The following PCDH15 variants were observed in gnomAD, a reference collection of about 807,000 sequenced individuals.
PCDH15 encodes the protein protocadherin related 15, also known as protocadherin-15.
Under a neutral mutation model 178.5 loss-of-function variants are expected in PCDH15, and 129 were observed. That is an observed-to-expected ratio of 0.72 (90% CI 0.63 to 0.84). PCDH15 has a LOEUF of 0.84. PCDH15 is among the 40% of genes least tolerant of loss of function. The pLI is 0.00. For synonymous variants in PCDH15, 800 were observed against 732.0 expected (o/e 1.09, Z -1.50); for missense variants, 2,230 against 2,099.9 (o/e 1.06, Z -1.21).
intron 3 of PCDH15, among the ~76,000 whole-genome samples, chr10:54,499,001 G>A (rs2080386985): frequency 6.6e-6 from 1 of 152,022 alleles, no homozygotes; most frequent in Non-Finnish European, 1.5e-5. Flanking sequence ...ACTATCACTA[G>A]AACAGCAAGG....
intron 3 of PCDH15, among the ~76,000 whole-genome samples, chr10:54,838,030 A>G (rs563294069): frequency 6.6e-6 from 1 of 151,980 alleles, no homozygotes; most frequent in South Asian, 2.1e-4. Context: ...TAGAATACAT[A>G]CTTGTCCAAG....
At chr10:53,935,373 T>A (rs1425567452) in intron 25 of PCDH15, among the ~76,000 whole-genome samples, 1 of 152,160 alleles carries the variant, frequency 6.6e-6, no homozygotes, top group Non-Finnish European at 1.5e-5. Context: ...AATATCACTT[T>A]CAATTAGATG....
At chr10:54,801,669 G>T (rs1952655544), upstream of PCDH15, among the ~76,000 whole-genome samples, 1 of 151,682 alleles carries the variant, frequency 6.6e-6, no homozygotes, top group Admixed American at 6.6e-5. Context: ...CCTCTTATAT[G>T]AAGCCCTCCA....
At chr10:54,101,839 G>T (rs187421631) in intron 15 of PCDH15, among the ~76,000 whole-genome samples, 145 of 152,172 alleles carry the variant, frequency 9.5e-4, no homozygotes, top group African/African-American at 3.4e-3. Context: ...GCTGTGTGTG[G>T]TGTTGTGCAA....
intron 2 of PCDH15, among the ~76,000 whole-genome samples, chr10:54,589,873 G>A (rs1235566743): frequency 6.6e-6 from 1 of 152,072 alleles, no homozygotes; most frequent in African/African-American, 2.4e-5. Context: ...TGGGATTACA[G>A]GCATGAGCCA....
At chr10:54,727,655 T>C (rs1011822145) in intron 1 of PCDH15, among the ~76,000 whole-genome samples, 1 of 151,328 alleles carries the variant, frequency 6.6e-6, no homozygotes, top group African/African-American at 2.4e-5. Context: ...CAAAAATATG[T>C]TGGTTCTTTG....
At chr10:54,525,195 TG>T (rs1204092407) in intron 3 of PCDH15, among the ~76,000 whole-genome samples, 2 of 152,190 alleles carry the variant, frequency 1.3e-5, no homozygotes, top group Non-Finnish European at 2.9e-5. Flanking sequence ...TAGTAGTGAA[TG>T]TATTTAGATA....
intron 2 of PCDH15, among the ~76,000 whole-genome samples, chr10:55,565,572 G>C (rs1842285201): frequency 6.6e-6 from 1 of 151,516 alleles, no homozygotes; most frequent in Non-Finnish European, 1.5e-5. Context: ...TGTTTGAAAA[G>C]ATCAACAACG....
At chr10:55,337,931 C>T (rs1844440522) in intron 2 of PCDH15, among the ~76,000 whole-genome samples, 1 of 151,754 alleles carries the variant, frequency 6.6e-6, no homozygotes, top group Admixed American at 6.6e-5. Context: ...GCTTAATAAC[C>T]AGAATATATT....
chr10:53,931,937 T>C (rs2085097379), intron 25 of PCDH15, among the ~76,000 whole-genome samples: 1 of 152,206 alleles, frequency 6.6e-6, no homozygotes, highest in Non-Finnish European at 1.5e-5. Flanking sequence ...CTTCATTCAC[T>C]AGCAGTTGAT....
At chr10:55,409,472 T>C (rs1447820974) in intron 2 of PCDH15, among the ~76,000 whole-genome samples, 1 of 152,200 alleles carries the variant, frequency 6.6e-6, no homozygotes, top group Non-Finnish European at 1.5e-5. Context: ...TGATGTTTCT[T>C]TGTAACTTGA....
intron 1 of PCDH15, among the ~76,000 whole-genome samples, chr10:54,706,826 T>C (rs2095370206): frequency 6.6e-6 from 1 of 152,120 alleles, no homozygotes; most frequent in South Asian, 2.1e-4. Flanking sequence ...TTTCACCATG[T>C]GGGCCAAGCT....
At chr10:54,045,726 G>A (rs1911406) in intron 18 of PCDH15, among the ~76,000 whole-genome samples, 103,229 of 151,930 alleles carry the variant, frequency 0.68, 35,657 homozygotes, top group Middle Eastern at 0.78. Context: ...AACCTATTAC[G>A]AATAACAAGA....
intron 1 of PCDH15, among the ~76,000 whole-genome samples, chr10:55,224,746 A>G (rs953703777): frequency 1.3e-5 from 2 of 152,018 alleles, no homozygotes; most frequent in African/African-American, 4.8e-5. Flanking sequence ...CCAAACCCAT[A>G]CCATGGCCTA....
chr10:53,902,127 A>T (rs552171665), intron 26 of PCDH15, among the ~76,000 whole-genome samples: 1 of 152,212 alleles, frequency 6.6e-6, no homozygotes, highest in African/African-American at 2.4e-5. Flanking sequence ...GATAAAAATC[A>T]GCTACAAAGG....
intron 8 of PCDH15, among the ~76,000 whole-genome samples, chr10:54,285,193 G>C (rs1031474391): frequency 1.3e-5 from 2 of 151,804 alleles, no homozygotes; most frequent in Non-Finnish European, 2.9e-5. Flanking sequence ...TCTAGGCACA[G>C]GTTTTTTTGG....
At chr10:54,104,812 G>A (rs1405649953) in intron 15 of PCDH15, among the ~76,000 whole-genome samples, 1 of 131,770 alleles carries the variant, frequency 7.6e-6, no homozygotes, top group Non-Finnish European at 1.5e-5. Context: ...ACTCCAGCCT[G>A]GCTGAGAGAG....
chr10:53,980,012 A>T (rs1472966282), intron 21 of PCDH15, among the ~76,000 whole-genome samples: 1 of 152,080 alleles, frequency 6.6e-6, no homozygotes, highest in Non-Finnish European at 1.5e-5. Context: ...TGAGGTCAAG[A>T]GTTCGTGACC....
chr10:55,075,710 A>ATT (rs71014447), intron 2 of PCDH15, among the ~76,000 whole-genome samples: 2 of 146,324 alleles, frequency 1.4e-5, no homozygotes, highest in East Asian at 2.0e-4. Context: ...CCTCCTTTGT[A>ATT]TTTTTTTTTT....
Sources: gnomAD v4.1 joint callset for allele counts (sites outside exome capture counted in the v4.1 genomes callset) on GRCh38, gnomAD v4.1.1 for gene constraint, MANE v1.5 for transcripts, NCBI Gene and HGNC (gene_info 2026-07-23, HGNC 2026-07-21) for gene names.